LARGE1: variants seen among roughly 807,000 people sequenced by gnomAD.
LARGE1 encodes LARGE xylosyl- and glucuronyltransferase 1, also known as xylosyl- and glucuronyltransferase LARGE1.
A neutral mutation model predicts 87.6 loss-of-function variants in LARGE1; 43 were observed. That is an observed-to-expected ratio of 0.49 (90% CI 0.38 to 0.63). The LOEUF (loss-of-function observed/expected upper bound fraction) is 0.63, where lower values mean the gene tolerates loss of function less well. LARGE1 is among the 30% of genes least tolerant of loss of function. The pLI is 0.00. For synonymous variants in LARGE1, 434 were observed against 394.6 expected, an observed-to-expected ratio of 1.10 and a Z score of -1.18; for missense variants, 802 against 1,000.2, an observed-to-expected ratio of 0.80 and a Z score of 2.67.
intron 7 of LARGE1, among the ~76,000 whole-genome samples, chr22:33,397,884 A>AT (rs916119293): frequency 2.0e-5 from 3 of 152,132 alleles, no homozygotes; most frequent in African/African-American, 7.2e-5. Context: ...TTTAATTTGC[A>AT]TTTTTTAATG....
chr22:33,089,416 T>C, the LARGE1 span, among the ~76,000 whole-genome samples: 3 of 106,658 alleles, frequency 2.8e-5, no homozygotes, highest in Middle Eastern at 3.9e-3. Context: ...CTTCTTCTAC[T>C]TCTTCTTCCT....
At chr22:33,715,580 C>T (rs2082884795) in intron 2 of LARGE1, among the ~76,000 whole-genome samples, 1 of 152,172 alleles carries the variant, frequency 6.6e-6, no homozygotes, top group Non-Finnish European at 1.5e-5. Context: ...AAACTTTATC[C>T]AGCATCAGGG....
At chr22:33,195,743 TTTTTTC>T (rs758803949) in intron 11 of LARGE1, among the ~76,000 whole-genome samples, 6,281 of 35,644 alleles carry the variant, frequency 0.18, 174 homozygotes, top group African/African-American at 0.33. Flanking sequence ...AATTAATTTC[TTTTTTC>T]TTTTTTCTTT....
chr22:33,346,491 C>T (rs1420599907), intron 9 of LARGE1, among the ~76,000 whole-genome samples: 2 of 152,058 alleles, frequency 1.3e-5, no homozygotes, highest in African/African-American at 4.8e-5. Flanking sequence ...TTAGTAGAGA[C>T]GAGGTTTCGC....
At chr22:33,341,885 C>G (rs1303558029) in intron 9 of LARGE1, among the ~76,000 whole-genome samples, 1 of 152,140 alleles carries the variant, frequency 6.6e-6, no homozygotes, top group Non-Finnish European at 1.5e-5. Context: ...GGTTTCCTAC[C>G]CTCTCAAAGA....
the LARGE1 span, among the ~76,000 whole-genome samples, chr22:33,083,578 G>C: frequency 6.6e-6 from 1 of 152,158 alleles, no homozygotes; most frequent in Non-Finnish European, 1.5e-5. Flanking sequence ...CATTTCAGTA[G>C]GGGAAAGTCT....
At chr22:33,835,187 A>T (rs1284790330) in intron 1 of LARGE1, among the ~76,000 whole-genome samples, 1 of 152,220 alleles carries the variant, frequency 6.6e-6, no homozygotes, top group African/African-American at 2.4e-5. Context: ...ACATGTTCAT[A>T]AGGGCTTTAT....
intron 3 of LARGE1, among the ~76,000 whole-genome samples, chr22:33,641,946 G>A (rs991729836): frequency 6.6e-6 from 1 of 152,122 alleles, no homozygotes. Context: ...GAACCAAGTT[G>A]GAAAACACTC....
chr22:33,578,191 T>A (rs2078407950), intron 5 of LARGE1, among the ~76,000 whole-genome samples: 1 of 152,216 alleles, frequency 6.6e-6, no homozygotes, highest in African/African-American at 2.4e-5. Flanking sequence ...TGTCTAACCT[T>A]TCTAGATTTA....
chr22:33,317,921 T>C (rs1936332893), intron 10 of LARGE1, among the ~76,000 whole-genome samples: 3 of 151,800 alleles, frequency 2.0e-5, no homozygotes, highest in Admixed American at 2.0e-4. Context: ...TTCGTGAAAA[T>C]TCAACAAACT....
chr22:33,671,253 G>T (rs2081402179), intron 2 of LARGE1, among the ~76,000 whole-genome samples: 1 of 152,180 alleles, frequency 6.6e-6, no homozygotes, highest in Non-Finnish European at 1.5e-5. Flanking sequence ...GATTTCCCCA[G>T]TTCCCAGAAT....
chr22:33,455,720 C>T (rs780467248), intron 6 of LARGE1, among the ~76,000 whole-genome samples: 2 of 137,942 alleles, frequency 1.4e-5, no homozygotes, highest in South Asian at 2.3e-4. Context: ...TGCCACTGCA[C>T]TCCAGCCTAG....
chr22:33,267,938 T>C (rs559496633), downstream of LARGE1, among the ~76,000 whole-genome samples: 1 of 150,372 alleles, frequency 6.7e-6, no homozygotes, highest in Non-Finnish European at 1.5e-5. Context: ...TGTGGACCCA[T>C]ACATAATGGC....
rs200352789 is a variant in LARGE1 at position 33,231,082 on chromosome 22, TGTTG to T, written c.1731-64254_1731-64251del. Among the ~76,000 whole-genome samples, 1,155 of 152,378 alleles carry T rather than the reference TGTTG, an allele frequency of 7.6e-3. 8 individuals carry two copies. Among genetic ancestry groups the T allele is most frequent in the Middle Eastern group, 0.031 (9 of 294 alleles). On this transcript the variant is annotated intron_variant, in intron 11 of 11. Coordinates refer to the LARGE1 transcript ENST00000608642. ...TAAATATTGGTAAATATTGGTTGTT[TGTTG>T]GTTGATTTGTTGACTGTTTTAATAA...
At chr22:33,788,578 G>A (rs5754670) in intron 1 of LARGE1, among the ~76,000 whole-genome samples, 27,140 of 152,116 alleles carry the variant, frequency 0.18, 2,566 homozygotes, top group Middle Eastern at 0.3. Context: ...GGCTTGGACC[G>A]AAATGCTGAC....
chr22:33,376,496 C>T (rs1226205655), intron 9 of LARGE1, among the ~76,000 whole-genome samples: 2 of 152,144 alleles, frequency 1.3e-5, no homozygotes, highest in East Asian at 1.9e-4. Context: ...CATGCCATCA[C>T]CAGAGACATT....
intron 6 of LARGE1, among the ~76,000 whole-genome samples, chr22:33,451,681 C>T (rs1411798466): frequency 6.6e-6 from 1 of 151,938 alleles, no homozygotes; most frequent in Non-Finnish European, 1.5e-5. Context: ...GCCTCAGCCT[C>T]CCGAGTAGCT....
chr22:33,117,183 T>C, the LARGE1 span, among the ~76,000 whole-genome samples: 2 of 152,194 alleles, frequency 1.3e-5, no homozygotes, highest in South Asian at 2.1e-4. Context: ...TACTTACCTA[T>C]CTAATTCTGG....
intron 9 of LARGE1, among the ~76,000 whole-genome samples, chr22:33,374,382 G>A (rs2064926138): frequency 6.6e-6 from 1 of 152,148 alleles, no homozygotes; most frequent in Non-Finnish European, 1.5e-5. Context: ...AATTTCCTGT[G>A]TTATCTTTAT....
Sources: allele counts gnomAD v4.1 joint callset (sites outside exome capture counted in the v4.1 genomes callset), GRCh38; gene constraint gnomAD v4.1.1; transcripts MANE v1.5; gene names NCBI Gene and HGNC (gene_info 2026-07-23, HGNC 2026-07-21).